Variants in SIMC1 observed in about 807,000 individuals in gnomAD.
SIMC1 encodes the protein SUMO interacting motifs containing 1.
Under a neutral mutation model 82.3 loss-of-function variants are expected in SIMC1, and 55 were observed. The ratio of observed to expected loss-of-function variants is 0.67; its 90% CI spans 0.54 to 0.84. The LOEUF is 0.84. Ranked by LOEUF, SIMC1 falls within the 40% of genes least tolerant of loss-of-function variation. SIMC1 has a pLI of 0.00. For missense variants in SIMC1, 915 were observed against 1,107.2 expected (o/e 0.83, Z 2.46); for synonymous variants, 353 against 426.3 (o/e 0.83, Z 2.12).
chr5:176,261,584 T>A (rs1272357893), intron 1 of SIMC1, among the ~76,000 whole-genome samples: 2 of 151,752 alleles, frequency 1.3e-5, no homozygotes, highest in Non-Finnish European at 2.9e-5. Context: ...CCATCTCTAC[T>A]AAAAATACAA....
At position 176,264,090 on chromosome 5, in the gene SIMC1, C is replaced by T. The variant is rs530263243; in HGVS notation, c.129+25453C>T. 6.6e-5 allele frequency among the ~76,000 whole-genome samples: 10 copies of T among 152,374 alleles called. No individual in the cohort carries two copies. In the South Asian group the frequency reaches 2.1e-3, roughly 32 times the overall value. On this transcript the variant is annotated intron_variant, in intron 1 of 9. Coordinates refer to ENST00000429602, the MANE Select transcript of SIMC1 (RefSeq NM_001308195.2). ...TGGGCATACTGGTGCAAGGGGTGGG[C>T]TCCTAAGGCCTTGGGCAGCCCCACC...
intron 1 of SIMC1, among the ~76,000 whole-genome samples, chr5:176,255,406 AC>A (rs1363238540): frequency 6.6e-6 from 1 of 152,060 alleles, no homozygotes; most frequent in Non-Finnish European, 1.5e-5. Flanking sequence ...ACATGGTGAA[AC>A]CCTGTCTCTA....
In SIMC1 at chr5:176,252,214, A is replaced by ACC. The variant is rs1225961789; in HGVS notation, c.129+13578_129+13579dup. Among the ~76,000 whole-genome samples the ACC allele has an allele frequency of 1.2e-3, 84 of 71,836 alleles. 1 individual carries two copies. The highest frequency in any genetic ancestry group is 3.1e-3 in the African/African-American group (59 of 18,822). The allele number at this position is 71,836 out of a possible 152,430, so 47.1% of individuals were successfully genotyped here. A position where few individuals can be genotyped will look rare whatever the true frequency, so the allele number is the denominator to read the frequency against. Reference sequence around the variant, plus strand: ...GGGCGGCTGGCCGGGCGGGGGGCTGACCGCCCCCCCCACCTCCCTCCCGGA... The same window carrying ACC: ...GGGCGGCTGGCCGGGCGGGGGGCTGACCCCGCCCCCCCCACCTCCCTCCCGGA... On this transcript the variant is annotated intron_variant, in intron 1 of 9. Coordinates refer to ENST00000429602, the MANE Select transcript of SIMC1 (RefSeq NM_001308195.2).
intron 1 of SIMC1, among the ~76,000 whole-genome samples, chr5:176,241,698 A>G (rs1761280933): frequency 6.6e-6 from 1 of 151,706 alleles, no homozygotes; most frequent in Non-Finnish European, 1.5e-5. Context: ...TACCAGTAAC[A>G]TAAGCAGTTA....
At chr5:176,309,852 T>A (rs1764588626) in intron 4 of SIMC1, among the ~76,000 whole-genome samples, 1 of 152,078 alleles carries the variant, frequency 6.6e-6, no homozygotes, top group Non-Finnish European at 1.5e-5. Context: ...GGAGGATCAC[T>A]TGAGCCCAGG....
chr5:176,345,092 T>A, intron 9 of SIMC1, 91 bp from the exon 10 acceptor site: 1 of 1,507,704 alleles, frequency 6.6e-7, no homozygotes, highest in South Asian at 1.4e-5. Flanking sequence ...TCAGCAAGTC[T>A]TTGCCAAGAC....
At chr5:176,345,049 C>T in intron 9 of SIMC1, 134 bp from the exon 10 acceptor site, 1 of 1,156,630 alleles carries the variant, frequency 8.6e-7, no homozygotes, top group Non-Finnish European at 1.2e-6. Flanking sequence ...TGCAGGCACT[C>T]ACACAGCCTT....
intron 4 of SIMC1, among the ~76,000 whole-genome samples, chr5:176,301,217 G>A (rs966782238): frequency 5.9e-5 from 9 of 152,094 alleles, no homozygotes; most frequent in Admixed American, 2.6e-4. Flanking sequence ...TCATTGGGGC[G>A]GGTTTTCCTG....
intron 1 of SIMC1, among the ~76,000 whole-genome samples, chr5:176,286,036 A>T (rs1378144502): frequency 6.6e-6 from 1 of 152,228 alleles, no homozygotes; most frequent in Non-Finnish European, 1.5e-5. Flanking sequence ...GGAGGAATCA[A>T]TATCGTGAAA....
chr5:176,337,136 T>G lies in SIMC1; in HGVS notation c.2403T>G (p.His801Gln). Residue 801 changes from histidine to glutamine, a missense_variant, in exon 9 of 10, where the codon CAT becomes CAG. His to Gln is a conservative substitution (Grantham distance 24). Coordinates refer to ENST00000429602, the MANE Select transcript of SIMC1 (RefSeq NM_001308195.2). ...AGTTTCTGCTGTCCAGTTATCAACA[T>G]GTTTTAAGAGGTAAGGAGCATTTGT... is the stretch of plus-strand genomic sequence containing the variant. ...HLQFLLSSYQ[H>Q]VLREHLRSSV... 1 of 1,613,940 alleles carries G rather than the reference T, an allele frequency of 6.2e-7. No individual in the cohort carries two copies. Among genetic ancestry groups the G allele is most frequent in the Non-Finnish European group, 8.5e-7 (1 of 1,179,842 alleles).
intron 4 of SIMC1, among the ~76,000 whole-genome samples, chr5:176,305,686 C>T (rs1277731558): frequency 1.5e-4 from 16 of 107,616 alleles, no homozygotes; most frequent in South Asian, 8.9e-4. Flanking sequence ...CCCGGCCAGC[C>T]GCCCCGTCCG....
chr5:176,310,142 T>C (rs1764602432), intron 4 of SIMC1, among the ~76,000 whole-genome samples: 2 of 152,070 alleles, frequency 1.3e-5, no homozygotes, highest in South Asian at 4.1e-4. Context: ...AAAGAAAAAA[T>C]AGTAAAAATA....
intron 4 of SIMC1, among the ~76,000 whole-genome samples, chr5:176,298,931 A>G (rs140032566): frequency 1.3e-5 from 2 of 152,264 alleles, no homozygotes. Flanking sequence ...TACAAGACGT[A>G]TAGGAAATAA....
chr5:176,278,899 G>A (rs1171491381), intron 1 of SIMC1, among the ~76,000 whole-genome samples: 1 of 151,346 alleles, frequency 6.6e-6, no homozygotes, highest in Non-Finnish European at 1.5e-5. Context: ...AAGGATATTG[G>A]TCTAAAAGTC....
intron 1 of SIMC1, chr5:176,263,408 A>G: frequency 6.5e-7 from 1 of 1,535,162 alleles, no homozygotes; most frequent in Non-Finnish European, 8.8e-7. Context: ...TTGGCTCATA[A>G]TTCTGCAGGC....
At chr5:176,309,786 A>T (rs188191928) in intron 4 of SIMC1, among the ~76,000 whole-genome samples, 44 of 152,248 alleles carry the variant, frequency 2.9e-4, no homozygotes, top group South Asian at 4.1e-4. Flanking sequence ...AAATTTTTTT[A>T]AAAAATTAGC....
intron 4 of SIMC1, among the ~76,000 whole-genome samples, chr5:176,305,734 C>G (rs1764321905): frequency 1.3e-5 from 1 of 76,086 alleles, no homozygotes; most frequent in Non-Finnish European, 2.8e-5. Context: ...GCCCGGCCAG[C>G]CGCCCCGTCC....
intron 1 of SIMC1, among the ~76,000 whole-genome samples, chr5:176,258,685 T>C (rs2113139939): frequency 6.7e-6 from 1 of 149,628 alleles, no homozygotes; most frequent in South Asian, 2.1e-4. Context: ...AATATAATAT[T>C]CACTACAGCT....
At chr5:176,276,262 A>G (rs957994961) in intron 1 of SIMC1, among the ~76,000 whole-genome samples, 1 of 151,288 alleles carries the variant, frequency 6.6e-6, no homozygotes, top group Non-Finnish European at 1.5e-5. Flanking sequence ...ATTTGCATAG[A>G]GGTGTTTGTA....
Sources: allele counts gnomAD v4.1 joint callset (sites outside exome capture counted in the v4.1 genomes callset), GRCh38; gene constraint gnomAD v4.1.1; transcripts MANE v1.5; gene names NCBI Gene and HGNC (gene_info 2026-07-23, HGNC 2026-07-21).